Variants in RYR2 observed in about 807,000 individuals in gnomAD.
RYR2 encodes the protein ryanodine receptor 2, also known as cardiac muscle ryanodine receptor-calcium release channel.
A neutral mutation model predicts 601.1 loss-of-function variants in RYR2; 227 were observed. The ratio of observed to expected loss-of-function variants is 0.38; its 90% CI spans 0.34 to 0.42. The LOEUF (loss-of-function observed/expected upper bound fraction) is 0.42, where lower values mean the gene tolerates loss of function less well. Ranked by LOEUF, RYR2 falls within the 10% of genes least tolerant of loss-of-function variation. RYR2 has a pLI of 1.00. For synonymous variants in RYR2, 2,223 were observed against 2,175.1 expected, an observed-to-expected ratio of 1.02 and a Z score of -0.61; for missense variants, 4,646 against 6,156.5, an observed-to-expected ratio of 0.75 and a Z score of 8.21.
chr1:237,488,917 G>T (rs1422050140), intron 17 of RYR2, among the ~76,000 whole-genome samples: 2 of 152,098 alleles, frequency 1.3e-5, no homozygotes, highest in African/African-American at 4.8e-5. Context: ...TGCCTTGGGG[G>T]TTAGGATTTC....
intron 2 of RYR2, among the ~76,000 whole-genome samples, chr1:237,300,686 C>G (rs559450066): frequency 1.3e-5 from 2 of 152,250 alleles, no homozygotes; most frequent in Non-Finnish European, 2.9e-5. Flanking sequence ...GATGACACCC[C>G]TACAGTTTGC....
At chr1:237,723,814 T>G (rs1689953914) in intron 74 of RYR2, among the ~76,000 whole-genome samples, 1 of 152,162 alleles carries the variant, frequency 6.6e-6, no homozygotes, top group Admixed American at 6.5e-5. Flanking sequence ...TGTTTTTATA[T>G]ATTTTTTCAG....
At chr1:237,137,954 C>G (rs564494779) in intron 1 of RYR2, among the ~76,000 whole-genome samples, 40 of 152,180 alleles carry the variant, frequency 2.6e-4, no homozygotes, top group African/African-American at 8.7e-4. Flanking sequence ...AGCCACTATC[C>G]CAACTTTTGT....
intron 1 of RYR2, among the ~76,000 whole-genome samples, chr1:237,050,421 C>A (rs1661109576): frequency 6.6e-6 from 1 of 152,172 alleles, no homozygotes; most frequent in Non-Finnish European, 1.5e-5. Flanking sequence ...GCAGGGGAAA[C>A]CCGCATGTGG....
intron 56 of RYR2, among the ~76,000 whole-genome samples, chr1:237,664,006 A>G (rs928698956): frequency 3.3e-5 from 5 of 152,214 alleles, no homozygotes; most frequent in African/African-American, 1.2e-4. Context: ...TGGTAGGGAT[A>G]CTAAAGAAAA....
chr1:237,369,555 C>T lies in RYR2; in HGVS notation c.331C>T (p.Arg111Ter). 1 of 1,564,414 alleles carries T rather than the reference C, an allele frequency of 6.4e-7. No homozygotes were observed. Among genetic ancestry groups the T allele is most frequent in the Non-Finnish European group, 8.7e-7 (1 of 1,152,692 alleles). The change falls in exon 6 of 105, where the codon CGA becomes TGA. Residue 111 changes from arginine to a stop codon, truncating the protein, a stop_gained. Coordinates refer to ENST00000366574, the MANE Select transcript of RYR2 (RefSeq NM_001035.3). LOFTEE classifies it high-confidence loss of function. Reference protein sequence around the residue: ...MMKTAQGGGHRTLLYGHAILL... With the variant: ...MMKTAQGGGH Reference sequence around the variant, plus strand: ...AAAGACTGCTCAAGGTGGTGGTCATCGAACACTCCTCTACGGACATGCCAT... The same window carrying T: ...AAAGACTGCTCAAGGTGGTGGTCATTGAACACTCCTCTACGGACATGCCAT...
chr1:237,641,635 A>G (rs1681558275), intron 47 of RYR2, among the ~76,000 whole-genome samples: 2 of 151,478 alleles, frequency 1.3e-5, no homozygotes, highest in Non-Finnish European at 2.9e-5. Context: ...TATGCCTCCC[A>G]GGTTCAAGTG....
chr1:237,705,483 A>G, intron 67 of RYR2, 140 bp downstream of exon 67: 2 of 692,202 alleles, frequency 2.9e-6, no homozygotes, highest in Non-Finnish European at 2.4e-6. Flanking sequence ...ATTGTTTGGT[A>G]TTCTATGTGA....
intron 1 of RYR2, among the ~76,000 whole-genome samples, chr1:237,112,063 G>A (rs1669537569): frequency 1.3e-5 from 2 of 152,080 alleles, no homozygotes; most frequent in South Asian, 2.1e-4. Flanking sequence ...AAATAGAGGA[G>A]AGTAGGTAAG....
chr1:237,522,052 G>A (rs931415753), intron 24 of RYR2, among the ~76,000 whole-genome samples: 1 of 152,106 alleles, frequency 6.6e-6, no homozygotes, highest in East Asian at 1.9e-4. Flanking sequence ...CATGTGCCAT[G>A]TTGGTGTGCT....
At chr1:237,796,687 C>T (rs565259927) in intron 96 of RYR2, among the ~76,000 whole-genome samples, 1 of 152,032 alleles carries the variant, frequency 6.6e-6, no homozygotes, top group East Asian at 1.9e-4. Flanking sequence ...CACATTCTGT[C>T]TCCTTTTCTA....
Position 237,631,533 on chromosome 1 carries a change from G to A in RYR2, c.6547G>A (p.Glu2183Lys). 1 of 1,597,104 alleles carries A rather than the reference G, an allele frequency of 6.3e-7. No homozygotes were observed. The highest frequency in any genetic ancestry group is 8.6e-7 in the Non-Finnish European group (1 of 1,168,574). Residue 2183 changes from glutamate to lysine, a missense_variant, in exon 42 of 105, where the codon GAG (glutamate) becomes AAG (lysine). Coordinates refer to ENST00000366574, the MANE Select transcript of RYR2 (RefSeq NM_001035.3). ...EVMVNVLGGG[E>K]SKEITFPKMV... ...CATGGTGAACGTCCTTGGAGGTGGA[G>A]AGTCCAAGGTAACGTCTTTGATTCC... is the stretch of plus-strand genomic sequence containing the variant.
At chr1:237,797,795 A>G (rs1659434457) in intron 96 of RYR2, among the ~76,000 whole-genome samples, 1 of 152,154 alleles carries the variant, frequency 6.6e-6, no homozygotes, top group Admixed American at 6.5e-5. Flanking sequence ...CTTCTTTGGT[A>G]TGACTCCCTC....
intron 2 of RYR2, among the ~76,000 whole-genome samples, chr1:237,310,686 T>C (rs1394315675): frequency 6.6e-6 from 1 of 152,240 alleles, no homozygotes; most frequent in Admixed American, 6.5e-5. Context: ...GGTGTGTCTT[T>C]AACCTTGGCA....
At chr1:237,808,669 CAA>C (rs1558462224) in intron 99 of RYR2, among the ~76,000 whole-genome samples, 4 of 139,220 alleles carry the variant, frequency 2.9e-5, no homozygotes, top group Admixed American at 7.1e-5. Flanking sequence ...AAAAAAAAAA[CAA>C]AATAAAATAA....
chr1:237,210,343 T>G (rs139108462), intron 1 of RYR2, among the ~76,000 whole-genome samples: 1 of 152,210 alleles, frequency 6.6e-6, no homozygotes, highest in African/African-American at 2.4e-5. Flanking sequence ...TTTTACCCCA[T>G]GTATCCATTT....
intron 34 of RYR2, among the ~76,000 whole-genome samples, 155 bp from the exon 35 acceptor site, chr1:237,601,870 T>C (rs1676538743): frequency 6.6e-6 from 1 of 152,182 alleles, no homozygotes; most frequent in Non-Finnish European, 1.5e-5. Flanking sequence ...AGTAATGAAA[T>C]ACTCTAATTC....
At chr1:237,156,028 C>A (rs901940542) in intron 1 of RYR2, among the ~76,000 whole-genome samples, 1 of 152,172 alleles carries the variant, frequency 6.6e-6, no homozygotes, top group Non-Finnish European at 1.5e-5. Flanking sequence ...ACATGTGTTC[C>A]CTCTCTAACT....
intron 27 of RYR2, among the ~76,000 whole-genome samples, chr1:237,553,403 G>A (rs1381792387): frequency 6.6e-6 from 1 of 151,950 alleles, no homozygotes; most frequent in Non-Finnish European, 1.5e-5. Context: ...TTTCTGGACT[G>A]TATATTCTGT....
Sources: gnomAD v4.1 joint callset for allele counts (sites outside exome capture counted in the v4.1 genomes callset) on GRCh38, gnomAD v4.1.1 for gene constraint, MANE v1.5 for transcripts, NCBI Gene and HGNC (gene_info 2026-07-23, HGNC 2026-07-21) for gene names.